Variants in TOX observed in about 807,000 individuals in gnomAD.
TOX encodes thymocyte selection associated high mobility group box, also known as thymocyte selection-associated high mobility group box protein TOX.
In TOX, 11 loss-of-function variants were observed where a neutral mutation model predicts 53.7. That is an observed-to-expected ratio of 0.20 (90% CI 0.13 to 0.34). The LOEUF is 0.34. Ranked by LOEUF, TOX falls within the 10% of genes least tolerant of loss-of-function variation. The probability of loss-of-function intolerance (pLI) is 1.00; values close to 1 mark genes in which losing one functional copy is unlikely to be tolerated. For missense variants in TOX, 570 were observed against 664.6 expected, an observed-to-expected ratio of 0.86 and a Z score of 1.56; for synonymous variants, 225 against 245.3, an observed-to-expected ratio of 0.92 and a Z score of 0.77.
At chr8:59,008,569 G>A (rs879789301) in intron 1 of TOX, among the ~76,000 whole-genome samples, 5 of 96,802 alleles carry the variant, frequency 5.2e-5, no homozygotes, top group South Asian at 8.5e-4. Flanking sequence ...GGGTCTTTCC[G>A]CACAGAAGCT....
intron 3 of TOX, among the ~76,000 whole-genome samples, chr8:58,861,134 G>A (rs1193356622): frequency 6.6e-6 from 1 of 152,172 alleles, no homozygotes; most frequent in Non-Finnish European, 1.5e-5. Context: ...CCTGCCCAGC[G>A]AAAATAAAGG....
At chr8:58,949,041 G>T (rs189106794) in intron 2 of TOX, among the ~76,000 whole-genome samples, 1 of 152,240 alleles carries the variant, frequency 6.6e-6, no homozygotes, top group East Asian at 1.9e-4. Flanking sequence ...TCCCTTAGTA[G>T]ATGTATTTAC....
intron 1 of TOX, among the ~76,000 whole-genome samples, chr8:59,057,323 A>G (rs1422247731): frequency 2.6e-5 from 4 of 152,210 alleles, no homozygotes; most frequent in African/African-American, 9.6e-5. Context: ...CACCTCTGAC[A>G]CTACACTGAG....
At chr8:58,814,478 G>A (rs1810139045) in intron 7 of TOX, 1 of 152,156 alleles carries the variant, frequency 6.6e-6, no homozygotes, top group African/African-American at 2.4e-5. Flanking sequence ...CAGGGTAGTG[G>A]GAGAAGCTTT....
intron 3 of TOX, among the ~76,000 whole-genome samples, chr8:58,873,497 C>T (rs1220833854): frequency 6.6e-6 from 1 of 152,068 alleles, no homozygotes; most frequent in African/African-American, 2.4e-5. Flanking sequence ...TGCCTTGGTA[C>T]TACTCCAAAA....
intron 3 of TOX, among the ~76,000 whole-genome samples, chr8:58,892,511 A>C (rs1382886224): frequency 6.6e-6 from 1 of 152,204 alleles, no homozygotes; most frequent in Non-Finnish European, 1.5e-5. Flanking sequence ...GATGTTACCA[A>C]TATTGTATCC....
At chr8:58,874,957 A>C (rs1811259592) in intron 3 of TOX, among the ~76,000 whole-genome samples, 1 of 152,238 alleles carries the variant, frequency 6.6e-6, no homozygotes. Flanking sequence ...GTGTGGGGCC[A>C]CATTCAAAGC....
At chr8:59,093,804 A>G (rs1321738943) in intron 1 of TOX, among the ~76,000 whole-genome samples, 1 of 152,220 alleles carries the variant, frequency 6.6e-6, no homozygotes, top group Non-Finnish European at 1.5e-5. Flanking sequence ...CCAACCTTTA[A>G]AAAATGATCC....
At chr8:58,811,517 T>A (rs1810075228) in intron 7 of TOX, among the ~76,000 whole-genome samples, 3 of 152,234 alleles carry the variant, frequency 2.0e-5, no homozygotes, top group Admixed American at 2.0e-4. Context: ...CACACTTTAC[T>A]GGGAACTAAT....
At position 58,806,575 on chromosome 8, in the gene TOX, C is replaced by CTA. The variant is rs1563357721; in HGVS notation, c.*1171_*1172insTA. On this transcript the variant is annotated 3_prime_UTR_variant, in exon 9 of 9. Transcript: ENST00000361421. ...TTATGTCGTATGAAGAAATAAAGTTCTTAAATATAATAGTTTTTTGTTTGC... is the reference window on the plus strand; with the variant it reads ...TTATGTCGTATGAAGAAATAAAGTTCTATTAAATATAATAGTTTTTTGTTTGC... 6.6e-6 allele frequency: 1 copy of CTA among 152,470 alleles called. No individual in the cohort carries two copies. Among genetic ancestry groups the CTA allele is most frequent in the Non-Finnish European group, 1.5e-5 (1 of 67,998 alleles). The allele number at this position is 152,470 out of a possible 1,614,324, so 9.4% of individuals were successfully genotyped here. A position where few individuals can be genotyped will look rare whatever the true frequency, so the allele number is the denominator to read the frequency against.
chr8:58,840,736 G>A (rs537109713), intron 4 of TOX, among the ~76,000 whole-genome samples: 1 of 152,250 alleles, frequency 6.6e-6, no homozygotes, highest in East Asian at 1.9e-4. Flanking sequence ...CAAGTGGTTG[G>A]CTGTGCTGGC....
At chr8:59,091,207 T>C (rs1357409004) in intron 1 of TOX, among the ~76,000 whole-genome samples, 1 of 152,114 alleles carries the variant, frequency 6.6e-6, no homozygotes, top group Non-Finnish European at 1.5e-5. Flanking sequence ...ACTGCCTGAC[T>C]CCCAGCCTCA....
intron 3 of TOX, among the ~76,000 whole-genome samples, chr8:58,925,216 G>A (rs1812135546): frequency 1.3e-5 from 2 of 152,220 alleles, no homozygotes; most frequent in South Asian, 2.1e-4. Flanking sequence ...AGGCCAAAAT[G>A]TTAACTGAAT....
At chr8:58,818,930 A>G (rs1322537794) in intron 6 of TOX, among the ~76,000 whole-genome samples, 1 of 152,176 alleles carries the variant, frequency 6.6e-6, no homozygotes, top group African/African-American at 2.4e-5. Context: ...GGGAATTTGT[A>G]TGTTTATGTA....
chr8:59,026,121 T>A (rs1223488987), intron 1 of TOX, among the ~76,000 whole-genome samples: 1 of 122,170 alleles, frequency 8.2e-6, no homozygotes, highest in Non-Finnish European at 1.8e-5. Flanking sequence ...CTTAATTTTA[T>A]GTTTTTTTTT....
intron 1 of TOX, among the ~76,000 whole-genome samples, chr8:58,998,534 T>TATATATATATATATATA (rs1554537351): frequency 5.4e-5 from 1 of 18,352 alleles, no homozygotes; most frequent in African/African-American, 1.7e-4. Flanking sequence ...TATATATATA[T>TATATATATATATATATA]ATATAAATTT....
chr8:58,900,854 T>C (rs1451251193), intron 3 of TOX, among the ~76,000 whole-genome samples: 1 of 152,128 alleles, frequency 6.6e-6, no homozygotes, highest in Non-Finnish European at 1.5e-5. Context: ...AGAGGTTTTT[T>C]TTGTAAACAC....
At position 58,973,189 on chromosome 8, in the gene TOX, C is replaced by T. The variant is rs148330454; in HGVS notation, c.103-13181G>A. Among the ~76,000 whole-genome samples, 477 of 152,210 alleles carry T rather than the reference C, an allele frequency of 3.1e-3. 4 individuals are homozygous for T. Among genetic ancestry groups the T allele is most frequent in the African/African-American group, 0.011 (451 of 41,492 alleles). On this transcript the variant is annotated intron_variant, in intron 1 of 8. Transcript: ENST00000361421. ...TCCCCATTCTACATAATGCAGGCAA[C>T]AAAGCTCTTTAGATGCACGACAGGA...
At chr8:58,921,543 T>G (rs1362517176) in intron 3 of TOX, among the ~76,000 whole-genome samples, 1 of 152,230 alleles carries the variant, frequency 6.6e-6, no homozygotes, top group Non-Finnish European at 1.5e-5. Flanking sequence ...ACACTTTCAG[T>G]ATTTCTAATA....
Sources: gnomAD v4.1 joint callset for allele counts (sites outside exome capture counted in the v4.1 genomes callset) on GRCh38, gnomAD v4.1.1 for gene constraint, MANE v1.5 for transcripts, NCBI Gene and HGNC (gene_info 2026-07-23, HGNC 2026-07-21) for gene names.